The following MYO5A variants were observed in gnomAD, a reference collection of about 807,000 sequenced individuals.
MYO5A encodes the protein unconventional myosin-Va.
Under a neutral mutation model 249.7 loss-of-function variants are expected in MYO5A, and 98 were observed. That is an observed-to-expected ratio of 0.39 (90% CI 0.33 to 0.46). The LOEUF (loss-of-function observed/expected upper bound fraction) is 0.46, where lower values mean the gene tolerates loss of function less well. Among genes scored for constraint, MYO5A ranks in the 20% least tolerant of loss-of-function variants. MYO5A has a pLI of 0.98. For synonymous variants in MYO5A, 778 were observed against 810.6 expected, an observed-to-expected ratio of 0.96 and a Z score of 0.68; for missense variants, 1,696 against 2,308.8, an observed-to-expected ratio of 0.73 and a Z score of 5.44.
chr15:52,429,582 G>A (rs2075477302), intron 2 of MYO5A, among the ~76,000 whole-genome samples: 2 of 152,022 alleles, frequency 1.3e-5, no homozygotes, highest in East Asian at 3.8e-4. Context: ...CCAAATACTC[G>A]GGAGGCTGAG....
intron 3 of MYO5A, among the ~76,000 whole-genome samples, chr15:52,427,517 A>G (rs903886290): frequency 2.0e-5 from 3 of 152,056 alleles, no homozygotes; most frequent in Non-Finnish European, 4.4e-5. Flanking sequence ...ATGTGCAAGG[A>G]AAAAAAATGG....
In MYO5A at chr15:52,492,681, G is replaced by T. The variant is rs868768082; in HGVS notation, c.27+36099C>A. The stretch of plus-strand genomic sequence containing the variant: ...AGGCCTTCCAAAGGACAGCAATCAG[G>T]CCTGCTATGCTCTTTTCTGCACAGA... On this transcript the variant is annotated intron_variant, in intron 1 of 41. Coordinates refer to ENST00000399233, the MANE Select transcript of MYO5A (RefSeq NM_001382347.1). 6.6e-5 allele frequency among the ~76,000 whole-genome samples: 10 copies of T among 152,196 alleles called. No homozygotes were observed. In the South Asian group the frequency reaches 2.1e-3, roughly 32 times the overall value.
intron 1 of MYO5A, among the ~76,000 whole-genome samples, chr15:52,498,278 G>C (rs893299067): frequency 6.6e-6 from 1 of 152,100 alleles, no homozygotes; most frequent in African/African-American, 2.4e-5. Context: ...CTATTCCACA[G>C]CACTGACATA....
intron 14 of MYO5A, 185 bp downstream of exon 14, chr15:52,387,644 A>G: frequency 3.5e-6 from 2 of 569,006 alleles, no homozygotes; most frequent in Non-Finnish European, 6.2e-6. Context: ...TAGATGAGTT[A>G]GCATTTTCAA....
intron 1 of MYO5A, among the ~76,000 whole-genome samples, chr15:52,487,962 C>T (rs1282498255): frequency 1.3e-5 from 2 of 152,088 alleles, no homozygotes; most frequent in Non-Finnish European, 2.9e-5. Flanking sequence ...GCAACATAAA[C>T]ACTAAGATGA....
intron 1 of MYO5A, among the ~76,000 whole-genome samples, chr15:52,502,459 A>C (rs1487931842): frequency 6.6e-6 from 1 of 152,226 alleles, no homozygotes; most frequent in Non-Finnish European, 1.5e-5. Context: ...ATAAGATCTA[A>C]ATATTTAATA....
chr15:52,511,261 A>T (rs1203555922), intron 1 of MYO5A, among the ~76,000 whole-genome samples: 1 of 152,268 alleles, frequency 6.6e-6, no homozygotes, highest in African/African-American at 2.4e-5. Context: ...TTGTAAACTC[A>T]TTATGAGAAA....
At chr15:52,438,859 C>T (rs866001067) in intron 1 of MYO5A, among the ~76,000 whole-genome samples, 1 of 152,342 alleles carries the variant, frequency 6.6e-6, no homozygotes, top group South Asian at 2.1e-4. Context: ...TTTCGCTCGC[C>T]GTCCACCACT....
Position 52,312,432 on chromosome 15 carries a change from A to G in MYO5A, c.*1264T>C, listed in dbSNP as rs1223543685. The G allele has an allele frequency of 2.0e-5, 3 of 152,072 alleles. No individual in the cohort carries two copies. The highest frequency in any genetic ancestry group is 6.6e-5 in the Admixed American group (1 of 15,262). 9.4% of individuals were successfully genotyped at this position (152,072 alleles called of 1,614,324 possible). ...GGCTGGAGTGCAGTGGTTCGATCTCATTGCAATCTCCGCCTCCCAGGTTTA... is the reference window on the plus strand; with the variant it reads ...GGCTGGAGTGCAGTGGTTCGATCTCGTTGCAATCTCCGCCTCCCAGGTTTA... On this transcript the variant is annotated 3_prime_UTR_variant, in exon 42 of 42. Transcript: ENST00000399233.
intron 1 of MYO5A, among the ~76,000 whole-genome samples, chr15:52,472,346 T>C (rs2076492161): frequency 6.6e-6 from 1 of 152,180 alleles, no homozygotes; most frequent in Non-Finnish European, 1.5e-5. Context: ...CCTAAAGTGC[T>C]GGGATTACAG....
intron 1 of MYO5A, among the ~76,000 whole-genome samples, chr15:52,494,809 A>G (rs1033173958): frequency 2.0e-5 from 3 of 152,128 alleles, no homozygotes; most frequent in African/African-American, 7.2e-5. Flanking sequence ...GTTATCTATT[A>G]TCCTAGGTGC....
chr15:52,470,880 G>T (rs867000589), intron 1 of MYO5A, among the ~76,000 whole-genome samples: 2 of 151,448 alleles, frequency 1.3e-5, no homozygotes, highest in Non-Finnish European at 2.9e-5. Flanking sequence ...AAAATTAGCC[G>T]GGCATGGTGA....
intron 14 of MYO5A, among the ~76,000 whole-genome samples, chr15:52,384,579 G>T (rs942454858): frequency 1.3e-5 from 2 of 152,170 alleles, no homozygotes; most frequent in African/African-American, 4.8e-5. Flanking sequence ...ACTGCACCCG[G>T]ACTTGAAAAC....
chr15:52,443,659 G>C (rs1225399720), intron 1 of MYO5A, among the ~76,000 whole-genome samples: 1 of 147,360 alleles, frequency 6.8e-6, no homozygotes, highest in Non-Finnish European at 1.5e-5. Flanking sequence ...AGTGAGCTGA[G>C]ACTGGGCCAC....
intron 1 of MYO5A, among the ~76,000 whole-genome samples, chr15:52,511,082 A>G (rs974419709): frequency 6.6e-4 from 101 of 152,354 alleles, no homozygotes; most frequent in African/African-American, 2.2e-3. Context: ...CAACTTCTGC[A>G]TGGTCCACAG....
chr15:52,350,591 A>G (rs927046319), intron 28 of MYO5A, among the ~76,000 whole-genome samples: 6 of 152,194 alleles, frequency 3.9e-5, no homozygotes, highest in African/African-American at 7.2e-5. Context: ...CAGGTTTTCA[A>G]GGTGATCACT....
rs1596272282 is a variant in MYO5A, at chr15:52,318,455, T to C, written c.5234+605A>G. On this transcript the variant is annotated intron_variant, in intron 39 of 41. Coordinates refer to ENST00000399233, the MANE Select transcript of MYO5A (RefSeq NM_001382347.1). ...TGGGCAACAAGAGCAAAACTCCATC[T>C]CAAAAAAAAAAAAAAAAAAAAAAAT... Among the ~76,000 whole-genome samples the C allele has an allele frequency of 3.5e-4, 3 of 8,488 alleles. No individual in the cohort carries two copies. The Admixed American group carries it at 4.1e-3, about 12-fold the overall frequency. The allele number at this position is 8,488 out of a possible 152,430, so 5.6% of individuals were successfully genotyped here.
At chr15:52,473,366 T>C (rs2076518761) in intron 1 of MYO5A, among the ~76,000 whole-genome samples, 1 of 152,242 alleles carries the variant, frequency 6.6e-6, no homozygotes. Flanking sequence ...CTGATAGTAG[T>C]TTCTTTTGCT....
At chr15:52,418,560 C>A (rs1319531684) in intron 4 of MYO5A, among the ~76,000 whole-genome samples, 1 of 152,058 alleles carries the variant, frequency 6.6e-6, no homozygotes, top group East Asian at 1.9e-4. Flanking sequence ...GTCAGGAAAG[C>A]CTTTCCAGAG....
Sources: gnomAD v4.1 joint callset for allele counts (sites outside exome capture counted in the v4.1 genomes callset) on GRCh38, gnomAD v4.1.1 for gene constraint, MANE v1.5 for transcripts, NCBI Gene and HGNC (gene_info 2026-07-23, HGNC 2026-07-21) for gene names.